Variants in ADGRB3 observed in about 807,000 individuals in gnomAD.
ADGRB3 encodes the protein brain-specific angiogenesis inhibitor 3.
Under a neutral mutation model 193.4 loss-of-function variants are expected in ADGRB3, and 37 were observed. The ratio of observed to expected loss-of-function variants is 0.19; its 90% CI spans 0.15 to 0.25. The LOEUF is 0.25. Ranked by LOEUF, ADGRB3 falls within the 10% of genes least tolerant of loss-of-function variation. ADGRB3 has a pLI of 1.00. For synonymous variants in ADGRB3, 690 were observed against 644.2 expected (o/e 1.07, Z -1.08); for missense variants, 1,637 against 1,852.9 (o/e 0.88, Z 2.14).
intron 3 of ADGRB3, among the ~76,000 whole-genome samples, chr6:68,827,441 A>ATT (rs899959292): frequency 6.8e-4 from 103 of 150,440 alleles, no homozygotes; most frequent in African/African-American, 2.4e-3. Context: ...GATAAAAGAG[A>ATT]TTTTTTTTTT....
At chr6:69,073,897 G>C (rs1772151510) in intron 16 of ADGRB3, among the ~76,000 whole-genome samples, 1 of 152,168 alleles carries the variant, frequency 6.6e-6, no homozygotes, top group Admixed American at 6.5e-5. Flanking sequence ...ATCTGGAGGA[G>C]AGAAGATGAT....
chr6:69,160,586 A>G (rs1429027244), intron 17 of ADGRB3, among the ~76,000 whole-genome samples: 2 of 152,056 alleles, frequency 1.3e-5, no homozygotes, highest in Non-Finnish European at 2.9e-5. Context: ...TCATCTTATT[A>G]TCATCTAGCA....
intron 17 of ADGRB3, among the ~76,000 whole-genome samples, chr6:69,155,039 A>G (rs1774793910): frequency 6.6e-6 from 1 of 152,198 alleles, no homozygotes; most frequent in Non-Finnish European, 1.5e-5. Context: ...CCCACATCTG[A>G]TTATTTAAGT....
chr6:69,321,849 G>A (rs564158137), intron 20 of ADGRB3, among the ~76,000 whole-genome samples: 10 of 151,866 alleles, frequency 6.6e-5, no homozygotes, highest in African/African-American at 2.4e-4. Context: ...TTCCTTGTAT[G>A]GAGTGTTTGA....
intron 20 of ADGRB3, among the ~76,000 whole-genome samples, chr6:69,259,954 A>G (rs2127272631): frequency 6.6e-6 from 1 of 152,310 alleles, no homozygotes; most frequent in African/African-American, 2.4e-5. Flanking sequence ...GTTAGCCAAA[A>G]ATTTTTAAAG....
chr6:69,330,991 A>G (rs888187289), intron 23 of ADGRB3, among the ~76,000 whole-genome samples: 8 of 152,176 alleles, frequency 5.3e-5, no homozygotes, highest in African/African-American at 1.9e-4. Flanking sequence ...AAGGAAATAT[A>G]TTCTCGACCT....
intron 3 of ADGRB3, among the ~76,000 whole-genome samples, chr6:68,771,383 T>C (rs1766613964): frequency 1.5e-5 from 1 of 67,956 alleles, no homozygotes; most frequent in South Asian, 4.1e-4. Flanking sequence ...CTAGGGAATA[T>C]ATACACACAC....
intron 3 of ADGRB3, among the ~76,000 whole-genome samples, chr6:68,848,590 C>A (rs1276469707): frequency 6.6e-6 from 1 of 151,964 alleles, no homozygotes; most frequent in Non-Finnish European, 1.5e-5. Flanking sequence ...TCAGACCAAT[C>A]ACATATTTTT....
At chr6:69,144,749 G>GA (rs756350836) in intron 17 of ADGRB3, among the ~76,000 whole-genome samples, 2 of 152,186 alleles carry the variant, frequency 1.3e-5, no homozygotes, top group South Asian at 2.1e-4. Flanking sequence ...TACGTCCCCA[G>GA]AAAAAATCCC....
At chr6:68,721,019 C>G (rs1292276890) in intron 3 of ADGRB3, among the ~76,000 whole-genome samples, 6 of 151,844 alleles carry the variant, frequency 4.0e-5, no homozygotes, top group Non-Finnish European at 7.4e-5. Context: ...CACATTTACA[C>G]TGTTGGTGGG....
chr6:69,099,223 A>G (rs2343400), intron 17 of ADGRB3, among the ~76,000 whole-genome samples: 132,669 of 152,250 alleles, frequency 0.87, 58,115 homozygotes, highest in East Asian at 1. Flanking sequence ...AGAATTATCT[A>G]GTTCAAAATG....
At chr6:68,666,581 T>A (rs1204029383) in intron 3 of ADGRB3, among the ~76,000 whole-genome samples, 1 of 151,874 alleles carries the variant, frequency 6.6e-6, no homozygotes, top group African/African-American at 2.4e-5. Flanking sequence ...TTGTAAATGC[T>A]CATTGTAAAG....
At chr6:69,296,329 G>A (rs567741370) in intron 20 of ADGRB3, among the ~76,000 whole-genome samples, 58 of 152,160 alleles carry the variant, frequency 3.8e-4, no homozygotes, top group African/African-American at 1.3e-3. Flanking sequence ...TAGCTATGTT[G>A]CATTACAAAC....
intron 3 of ADGRB3, among the ~76,000 whole-genome samples, chr6:68,852,691 G>A (rs961650784): frequency 6.6e-6 from 1 of 151,932 alleles, no homozygotes; most frequent in Non-Finnish European, 1.5e-5. Context: ...AGCTATATAA[G>A]CATATTCTAT....
intron 3 of ADGRB3, among the ~76,000 whole-genome samples, chr6:68,655,009 C>T (rs1768458476): frequency 6.6e-6 from 1 of 151,400 alleles, no homozygotes; most frequent in Non-Finnish European, 1.5e-5. Context: ...TTTAGTTTTA[C>T]ATTTCTGAGG....
chr6:68,858,592 C>CAAAAAA (rs11458724), intron 3 of ADGRB3, among the ~76,000 whole-genome samples: 2 of 93,438 alleles, frequency 2.1e-5, no homozygotes, highest in East Asian at 4.4e-4. Flanking sequence ...GACCCTGACT[C>CAAAAAA]AAAAAAAAAA....
At chr6:68,810,267 G>T (rs572157905) in intron 3 of ADGRB3, among the ~76,000 whole-genome samples, 7 of 152,100 alleles carry the variant, frequency 4.6e-5, no homozygotes, top group Non-Finnish European at 8.8e-5. Flanking sequence ...CCTTAAAAAT[G>T]GAATAAAGTC....
At chr6:68,717,690 TTAAAC>T (rs971242209) in intron 3 of ADGRB3, among the ~76,000 whole-genome samples, 1 of 151,500 alleles carries the variant, frequency 6.6e-6, no homozygotes, top group East Asian at 1.9e-4. Flanking sequence ...GATATAAAAA[TTAAAC>T]TAAATATTTC....
At chr6:68,941,823 A>G (rs948691948) in intron 5 of ADGRB3, among the ~76,000 whole-genome samples, 10 of 151,438 alleles carry the variant, frequency 6.6e-5, no homozygotes, top group Non-Finnish European at 1.5e-4. Flanking sequence ...ATTTTGCCAT[A>G]ATTGATCATA....
Sources: allele counts gnomAD v4.1 joint callset (sites outside exome capture counted in the v4.1 genomes callset), GRCh38; gene constraint gnomAD v4.1.1; transcripts MANE v1.5; gene names NCBI Gene and HGNC (gene_info 2026-07-23, HGNC 2026-07-21).